Variants in HPSE observed in about 807,000 individuals in gnomAD.
HPSE encodes endo-glucoronidase.
In HPSE, 48 loss-of-function variants were observed where a neutral mutation model predicts 65.1. The ratio of observed to expected loss-of-function variants is 0.74; its 90% CI spans 0.58 to 0.94. The LOEUF is 0.94. Among genes scored for constraint, HPSE ranks in the 40% least tolerant of loss-of-function variants. The pLI, the probability that HPSE is intolerant of heterozygous loss-of-function variation, is 0.00. For missense variants in HPSE, 644 were observed against 637.5 expected (o/e 1.01, Z -0.11); for synonymous variants, 243 against 260.0 (o/e 0.93, Z 0.63).
rs1028626575 is a variant in HPSE at position 83,293,312 on chromosome 4, A to G, written c.*2032T>C. On this transcript the variant is annotated 3_prime_UTR_variant, in exon 12 of 12. Transcript: ENST00000311412. ...CTCTGAAAAAGAGTTATTCAAGTCT[A>G]TGAAGGAGACTCAAAAAATGGCTCA... 1 of 152,224 alleles carries G rather than the reference A, an allele frequency of 6.6e-6. No individual in the cohort carries two copies. The allele number at this position is 152,224 out of a possible 1,614,324, so 9.4% of individuals were successfully genotyped here.
At chr4:83,327,351 G>A (rs1049041109) in intron 1 of HPSE, among the ~76,000 whole-genome samples, 5 of 152,134 alleles carry the variant, frequency 3.3e-5, no homozygotes, top group Admixed American at 6.5e-5. Flanking sequence ...GGACCTTTTT[G>A]TTTGTCTCCT....
At chr4:83,325,876 C>G (rs1737129762) in intron 1 of HPSE, among the ~76,000 whole-genome samples, 1 of 152,114 alleles carries the variant, frequency 6.6e-6, no homozygotes, top group Admixed American at 6.6e-5. Context: ...TGTCCAAAGA[C>G]CAGAGATAGA....
At chr4:83,325,030 G>T (rs996899124) in intron 1 of HPSE, among the ~76,000 whole-genome samples, 4 of 152,012 alleles carry the variant, frequency 2.6e-5, no homozygotes, top group African/African-American at 9.7e-5. Context: ...TGATAGCAAT[G>T]GTCATTATGT....
intron 11 of HPSE, among the ~76,000 whole-genome samples, chr4:83,296,224 G>A (rs1268562917): frequency 6.6e-6 from 1 of 152,156 alleles, no homozygotes; most frequent in Non-Finnish European, 1.5e-5. Context: ...CATATTCACA[G>A]GAGCGAATCA....
chr4:83,301,587 C>T lies in HPSE; in HGVS notation c.1326-481G>A, dbSNP rs147088217. Among the ~76,000 whole-genome samples the T allele has an allele frequency of 1.1e-3, 165 of 152,296 alleles. 1 individual carries two copies. Among genetic ancestry groups the T allele is most frequent in the African/African-American group, 3.6e-3 (148 of 41,552 alleles). On this transcript the variant is annotated intron_variant, in intron 10 of 11. Transcript: ENST00000311412. ...ATTTATCCATTCAAACCATTCCCCTCGCTACTTCCTACTGGGGTCCTCACT... is the reference window on the plus strand; with the variant it reads ...ATTTATCCATTCAAACCATTCCCCTTGCTACTTCCTACTGGGGTCCTCACT...
chr4:83,300,943 C>G lies in HPSE; in HGVS notation c.1472+17G>C, dbSNP rs1437315100. On this transcript the variant is annotated intron_variant, in intron 11 of 11. Transcript: ENST00000311412. ...AAATTTATTGAAAGTTTGGAATGAA[C>G]AAGGAAAATTACTTACTTGGAAAGT... is the stretch of plus-strand genomic sequence containing the variant. The G allele has an allele frequency of 1.3e-6, 2 of 1,539,754 alleles. No homozygotes were observed. The highest frequency in any genetic ancestry group is 2.8e-5 in the African/African-American group (2 of 70,356).
intron 5 of HPSE, 74 bp downstream of exon 5, chr4:83,310,648 G>A: frequency 7.2e-7 from 1 of 1,389,110 alleles, no homozygotes; most frequent in East Asian, 2.3e-5. Context: ...CTCCAGTCTG[G>A]CTGACAGAGT....
chr4:83,322,459 T>A, intron 1 of HPSE, 95 bp from the exon 2 acceptor site: 2 of 1,024,278 alleles, frequency 2.0e-6, no homozygotes, highest in Non-Finnish European at 2.8e-6. Context: ...ACCTATTTCT[T>A]AACATTTCCC....
rs973418467 is a variant in HPSE, at chr4:83,326,696, T to C, written c.228-4332A>G. 2.0e-5 allele frequency among the ~76,000 whole-genome samples: 3 copies of C among 152,152 alleles called. No individual in the cohort carries two copies. The highest frequency in any genetic ancestry group is 2.0e-4 in the Admixed American group (3 of 15,268). On this transcript the variant is annotated intron_variant, in intron 1 of 11. Coordinates refer to ENST00000311412, the MANE Select transcript of HPSE (RefSeq NM_001098540.3). This position sits in a 1 kb window ranked among gnomAD's most constrained non-coding sequence, Gnocchi z 4.2. ...ACAAGGTATGGCCCTAAAACCAAGATGAGGAACTTCCTCAGAGAGAACCAC... is the reference window on the plus strand; with the variant it reads ...ACAAGGTATGGCCCTAAAACCAAGACGAGGAACTTCCTCAGAGAGAACCAC...
Position 83,302,210 on chromosome 4 carries a change from C to T in HPSE, c.1265G>A (p.Ser422Asn). The change falls in exon 10 of 12, where the codon AGC (serine) becomes AAC (asparagine). Residue 422 changes from serine (S) to asparagine (N), a missense_variant. Physicochemically the swap from Ser to Asn is conservative, Grantham distance 46 (BLOSUM62 1). Coordinates refer to ENST00000311412, the MANE Select transcript of HPSE (RefSeq NM_001098540.3). ...KLVGTKVLMA[S>N]VQGSKRRKLR... is the part of the protein sequence containing the mutation. ...CTTCCTTCTCTTTGAACCTTGCACG[C>T]TTGCCATTAACACCTTGGTGCCCAC... The T allele has an allele frequency of 6.2e-7, 1 of 1,614,012 alleles. No homozygotes were observed. Among genetic ancestry groups the T allele is most frequent in the East Asian group, 2.2e-5 (1 of 44,862 alleles).
In HPSE at chr4:83,331,107, G is replaced by T. The variant is rs181575571; in HGVS notation, c.227+3449C>A. 3.9e-5 allele frequency among the ~76,000 whole-genome samples: 6 copies of T among 152,238 alleles called. No homozygotes were observed. The East Asian group carries it at 1.2e-3, about 29-fold the overall frequency. On this transcript the variant is annotated intron_variant, in intron 1 of 11. Transcript: ENST00000311412. Reference sequence around the variant, plus strand: ...TAGTCCCAGCTACTTGGGAGACTGAGGCAGGAGAATAACTTGAACCCGGGA... The same window carrying T: ...TAGTCCCAGCTACTTGGGAGACTGATGCAGGAGAATAACTTGAACCCGGGA...
intron 4 of HPSE, among the ~76,000 whole-genome samples, chr4:83,311,783 A>G (rs1336083537): frequency 3.2e-4 from 3 of 9,506 alleles, no homozygotes; most frequent in African/African-American, 1.1e-3. Flanking sequence ...TCTTGTCTGA[A>G]AAAAAAAAAA....
chr4:83,300,261 G>A (rs980850204), intron 11 of HPSE, among the ~76,000 whole-genome samples: 2 of 152,086 alleles, frequency 1.3e-5, no homozygotes, highest in Non-Finnish European at 2.9e-5. Context: ...AATTAATGCT[G>A]TAAAAGAATC....
intron 3 of HPSE, among the ~76,000 whole-genome samples, chr4:83,318,258 C>G (rs1011229453): frequency 6.6e-6 from 1 of 152,172 alleles, no homozygotes; most frequent in Non-Finnish European, 1.5e-5. Context: ...ATTTCTTTAA[C>G]TGAGATATGG....
intron 1 of HPSE, among the ~76,000 whole-genome samples, chr4:83,333,447 A>G (rs1376138621): frequency 6.6e-6 from 1 of 152,172 alleles, no homozygotes; most frequent in African/African-American, 2.4e-5. Context: ...GCTGGCAACT[A>G]TAGTGTGGGC....
Position 83,306,270 on chromosome 4 carries a change from A to C in HPSE, c.1139T>G (p.Val380Gly). 6.2e-7 allele frequency: 1 copy of C among 1,613,954 alleles called. No homozygotes were observed. The highest frequency in any genetic ancestry group is 8.5e-7 in the Non-Finnish European group (1 of 1,179,824). The change falls in exon 9 of 12, where the codon GTG (valine) becomes GGG (glycine). Residue 380 changes from valine (V) to glycine (G), a missense_variant. Transcript: ENST00000311412. ...GLSARMGIEV[V>G]MRQVFFGAGN... ...TGCTCCAAAGAATACTTGCCTCATC[A>C]CCACTTCTATTCCCATTCGGGCTGA...
chr4:83,307,408 T>TGCAGCAGCA (rs35936108), intron 8 of HPSE, among the ~76,000 whole-genome samples: 2 of 151,912 alleles, frequency 1.3e-5, no homozygotes, highest in East Asian at 3.9e-4. Flanking sequence ...GGCAACTGCA[T>TGCAGCAGCA]GCAGCAGCAG....
chr4:83,304,851 T>C (rs1736093334), intron 9 of HPSE, among the ~76,000 whole-genome samples: 1 of 152,100 alleles, frequency 6.6e-6, no homozygotes, highest in South Asian at 2.1e-4. Context: ...GGTCAATGAC[T>C]GGTAGGGTAG....
intron 1 of HPSE, among the ~76,000 whole-genome samples, chr4:83,328,693 A>G (rs1235290543): frequency 6.6e-6 from 1 of 152,034 alleles, no homozygotes; most frequent in African/African-American, 2.4e-5. Context: ...GAGGGGAGGG[A>G]AGAAACGGGG....
Sources: allele counts gnomAD v4.1 joint callset (sites outside exome capture counted in the v4.1 genomes callset), GRCh38; gene constraint gnomAD v4.1.1; non-coding constraint Gnocchi (gnomAD v3.1); transcripts MANE v1.5; gene names NCBI Gene and HGNC (gene_info 2026-07-23, HGNC 2026-07-21).